HERC2: variants seen among roughly 807,000 people sequenced by gnomAD.
HERC2 encodes the protein HECT and RLD domain containing E3 ubiquitin protein ligase 2.
A neutral mutation model predicts 537.7 loss-of-function variants in HERC2; 102 were observed. That is an observed-to-expected ratio of 0.19 (90% CI 0.16 to 0.22). The LOEUF (loss-of-function observed/expected upper bound fraction) is 0.22. HERC2 is among the 10% of genes least tolerant of loss of function. The pLI, the probability that HERC2 is intolerant of heterozygous loss-of-function variation, is 1.00. For synonymous variants in HERC2, 2,224 were observed against 2,466.2 expected (o/e 0.90, Z 2.91); for missense variants, 4,236 against 6,198.2 (o/e 0.68, Z 10.63).
chr15:28,150,667 A>G (rs1027940262), intron 70 of HERC2, among the ~76,000 whole-genome samples: 1 of 151,248 alleles, frequency 6.6e-6, no homozygotes, highest in Non-Finnish European at 1.5e-5. Context: ...AACATCACCA[A>G]CAACGGCCAC....
At chr15:28,255,518 G>A (rs2075230402) in intron 19 of HERC2, among the ~76,000 whole-genome samples, 1 of 152,158 alleles carries the variant, frequency 6.6e-6, no homozygotes, top group Admixed American at 6.5e-5. Context: ...ATACTATATA[G>A]TTATATTGCT....
At chr15:28,200,316 A>G (rs1897778068) in intron 48 of HERC2, among the ~76,000 whole-genome samples, 1 of 152,006 alleles carries the variant, frequency 6.6e-6, no homozygotes, top group Non-Finnish European at 1.5e-5. Context: ...AATGGCATGA[A>G]CCCGGGAGGC....
chr15:28,111,768 G>A lies in HERC2; in HGVS notation c.14500C>T (p.His4834Tyr). 6.2e-7 allele frequency: 1 copy of A among 1,613,050 alleles called. No homozygotes were observed. Among genetic ancestry groups the A allele is most frequent in the Non-Finnish European group, 8.5e-7 (1 of 1,178,970 alleles). ...CACGAGGACGTTTCCCCATCTTAGTGTCCTGTTAAATAATCTTGTGTAGAG... is the reference window on the plus strand; with the variant it reads ...CACGAGGACGTTTCCCCATCTTAGTATCCTGTTAAATAATCTTGTGTAGAG... Reference protein sequence around the residue: ...SDSTQDYLTGH With the variant: ...SDSTQDYLTGY The change falls in exon 93 of 93, where the codon CAC becomes TAC. Residue 4834 changes from histidine (H) to tyrosine (Y), a missense_variant. His to Tyr is a moderately conservative substitution (Grantham distance 83). Around this residue, in one of 27 missense-constraint regions of HERC2, gnomAD observed 313 missense variants for 462.6 expected, o/e 0.68. Coordinates refer to ENST00000261609, the MANE Select transcript of HERC2 (RefSeq NM_004667.6).
chr15:28,307,550 G>T (rs1449322520), intron 2 of HERC2, among the ~76,000 whole-genome samples: 4 of 152,068 alleles, frequency 2.6e-5, no homozygotes, highest in Admixed American at 2.6e-4. Context: ...TGTTGCCATT[G>T]CCATTTGTTT....
At chr15:28,149,404 C>A (rs189158689) in intron 70 of HERC2, among the ~76,000 whole-genome samples, 187 of 151,520 alleles carry the variant, frequency 1.2e-3, no homozygotes, top group African/African-American at 4.4e-3. Context: ...AACGGCCACA[C>A]CAACATACAT....
intron 35 of HERC2, among the ~76,000 whole-genome samples, chr15:28,227,285 A>G (rs1901296739): frequency 6.6e-6 from 1 of 152,070 alleles, no homozygotes; most frequent in South Asian, 2.1e-4. Context: ...AAAAAAAAGT[A>G]AAATAAACAA....
chr15:28,140,558 G>A (rs568244307), intron 78 of HERC2, among the ~76,000 whole-genome samples: 25 of 152,166 alleles, frequency 1.6e-4, no homozygotes, highest in Admixed American at 4.6e-4. Context: ...ATCTCACTCC[G>A]TCACCCAGGC....
chr15:28,125,529 A>C (rs1889385612), intron 83 of HERC2, among the ~76,000 whole-genome samples: 1 of 152,244 alleles, frequency 6.6e-6, no homozygotes, highest in Admixed American at 6.5e-5. Context: ...GAACAGCAGC[A>C]GTTCTCCATC....
At chr15:28,285,743 C>A (rs1478331169) in intron 4 of HERC2, among the ~76,000 whole-genome samples, 3 of 133,204 alleles carry the variant, frequency 2.3e-5, no homozygotes, top group Admixed American at 7.5e-5. Context: ...AACAGTAAAG[C>A]AAAAAGCTGG....
Position 28,130,587 on chromosome 15 carries a change from G to T in HERC2, c.12578C>A (p.Ser4193Tyr). The T allele has an allele frequency of 1.2e-6, 2 of 1,612,324 alleles. No individual in the cohort carries two copies. Among genetic ancestry groups the T allele is most frequent in the Non-Finnish European group, 1.7e-6 (2 of 1,178,324 alleles). ...DGCKVPMKID[S>Y]LTGLGVVKVE... ...TTTAACTACTCCAAGACCAGTAAGA[G>T]AATCAATCTAGAGGGGGAAAAGGTT... The change falls in exon 82 of 93, where the codon TCT becomes TAT. Residue 4193 changes from serine to tyrosine, a missense_variant. Coordinates refer to ENST00000261609, the MANE Select transcript of HERC2 (RefSeq NM_004667.6).
In HERC2 at chr15:28,119,399, CAAAAAAAAAAA is replaced by C. The variant is rs201078187; in HGVS notation, c.13272+1936_13272+1946del. On this transcript the variant is annotated intron_variant, in intron 86 of 92. Transcript: ENST00000261609. Reference sequence around the variant, plus strand: ...TGGGCGACAGAACAAGACTCCCTCTCAAAAAAAAAAAAAAAAAAAAAAAAAAAAAAAAAAAA... The same window carrying C: ...TGGGCGACAGAACAAGACTCCCTCTCAAAAAAAAAAAAAAAAAAAAAAAAA... Among the ~76,000 whole-genome samples, 739 of 132,998 alleles carry C rather than the reference CAAAAAAAAAAA, an allele frequency of 5.6e-3. 4 individuals carry two copies. Among genetic ancestry groups the C allele is most frequent in the African/African-American group, 0.024 (650 of 27,582 alleles). 87.3% of individuals were successfully genotyped at this position (132,998 alleles called of 152,430 possible).
rs1889228241 is a variant in HERC2 at position 28,124,202 on chromosome 15, G to T, written c.13023C>A (p.Ile4341=). Residue 4341 remains isoleucine, a synonymous_variant, in exon 85 of 93, where the codon ATC becomes ATA. Coordinates refer to ENST00000261609, the MANE Select transcript of HERC2 (RefSeq NM_004667.6). ...VPMEYNHLQE[I]PIIALRNRLL... The stretch of plus-strand genomic sequence containing the variant: ...GACGGTTCCTCAGCGCAATGATGGG[G>T]ATCTCCTGCAGGTGATTGTACTCCA... 1 of 1,537,668 alleles carries T rather than the reference G, an allele frequency of 6.5e-7. No individual in the cohort carries two copies. The highest frequency in any genetic ancestry group is 1.4e-5 in the African/African-American group (1 of 72,332).
intron 20 of HERC2, among the ~76,000 whole-genome samples, chr15:28,251,818 T>C (rs1194962461): frequency 2.6e-5 from 4 of 152,082 alleles, no homozygotes; most frequent in Non-Finnish European, 5.9e-5. Flanking sequence ...AAAATAATTT[T>C]AATAATGTGT....
intron 9 of HERC2, 152 bp downstream of exon 9, chr15:28,272,063 C>T (rs1048177891): frequency 3.3e-5 from 22 of 665,228 alleles, no homozygotes; most frequent in Non-Finnish European, 5.3e-5. Context: ...AACAAGTGAC[C>T]TCCCACACCT....
rs1902648676 is a variant in HERC2, at chr15:28,238,055, C to G, written c.3852+59G>C. On this transcript the variant is annotated intron_variant, in intron 25 of 92. Coordinates refer to ENST00000261609, the MANE Select transcript of HERC2 (RefSeq NM_004667.6). ...CTTCTAGATCCAAATATTCCTATCA[C>G]AAACACACAGAGGGTATCCCCTGCC... The G allele has an allele frequency of 3.1e-6, 3 of 980,432 alleles. No homozygotes were observed. The Admixed American group carries it at 5.1e-5, about 17-fold the overall frequency. The allele number at this position is 980,432 out of a possible 1,614,324, so 60.7% of individuals were successfully genotyped here.
At chr15:28,266,282 G>A (rs1333241558) in intron 12 of HERC2, among the ~76,000 whole-genome samples, 10 of 152,138 alleles carry the variant, frequency 6.6e-5, no homozygotes, top group Admixed American at 2.6e-4. Context: ...TTGGGAGGCC[G>A]AGGTGGGCAG....
In HERC2 at chr15:28,233,511, C is replaced by T. The variant is rs754810810; in HGVS notation, c.4402G>A (p.Val1468Ile). The T allele has an allele frequency of 2.6e-6, 4 of 1,565,906 alleles. No individual in the cohort carries two copies. The highest frequency in any genetic ancestry group is 2.2e-5 in the East Asian group (1 of 44,650). ...VHAGALGIEQ[V>I]KHRTLPKSVV... ...GACTTAGGCAACGTTCTGTGCTTTA[C>T]TTGCTCAATACCAAGTGCACCTGCA... The change falls in exon 29 of 93, where the codon GTA becomes ATA. Residue 1468 changes from valine (V) to isoleucine (I), a missense_variant. Val to Ile is a conservative substitution (Grantham distance 29, BLOSUM62 3). Coordinates refer to ENST00000261609, the MANE Select transcript of HERC2 (RefSeq NM_004667.6).
chr15:28,123,405 C>A (rs745347736), intron 85 of HERC2, among the ~76,000 whole-genome samples: 1 of 152,204 alleles, frequency 6.6e-6, no homozygotes, highest in Non-Finnish European at 1.5e-5. Flanking sequence ...TGGTAATTAG[C>A]CCCTTCAAGA....
In HERC2 at chr15:28,182,517, C is replaced by G. The variant is rs955196793; in HGVS notation, c.8826-5G>C. On this transcript the variant is annotated splice_polypyrimidine_tract_variant and splice_region_variant and intron_variant, in intron 56 of 92. Transcript: ENST00000261609. Reference sequence around the variant, plus strand: ...GCAGCCTTCTTTCTAATGAGGCTAACCAAACGGAAAAAAAAAAGAAAAAGA... The same window carrying G: ...GCAGCCTTCTTTCTAATGAGGCTAAGCAAACGGAAAAAAAAAAGAAAAAGA... The G allele has an allele frequency of 3.2e-6, 5 of 1,581,304 alleles. No individual in the cohort carries two copies. In the African/African-American group the frequency reaches 4.1e-5, roughly 13 times the overall value.
Sources: allele counts gnomAD v4.1 joint callset (sites outside exome capture counted in the v4.1 genomes callset), GRCh38; gene constraint gnomAD v4.1.1; regional missense constraint gnomAD v4.1.1; transcripts MANE v1.5; gene names NCBI Gene and HGNC (gene_info 2026-07-23, HGNC 2026-07-21).